The following STK31 variants were observed in gnomAD, a reference collection of about 807,000 sequenced individuals.
STK31 encodes the protein serine/threonine kinase 31, also known as serine/threonine-protein kinase 31.
A neutral mutation model predicts 129.7 loss-of-function variants in STK31; 89 were observed. That is an observed-to-expected ratio of 0.69 (90% CI 0.58 to 0.82). The LOEUF (loss-of-function observed/expected upper bound fraction) is 0.82. Among genes scored for constraint, STK31 ranks in the 40% least tolerant of loss-of-function variants. The pLI, the probability that STK31 is intolerant of heterozygous loss-of-function variation, is 0.00. For missense variants in STK31, 1,187 were observed against 1,176.4 expected (o/e 1.01, Z -0.13); for synonymous variants, 448 against 395.3 (o/e 1.13, Z -1.58).
At chr7:23,813,338 C>G (rs147974608) in intron 22 of STK31, among the ~76,000 whole-genome samples, 8 of 151,806 alleles carry the variant, frequency 5.3e-5, no homozygotes, top group African/African-American at 1.9e-4. Context: ...ATTTTATGAC[C>G]ATTGCTTGAA....
intron 10 of STK31, among the ~76,000 whole-genome samples, chr7:23,761,211 AT>A (rs1007327636): frequency 1.1e-3 from 165 of 150,652 alleles, no homozygotes; most frequent in Non-Finnish European, 9.2e-4. Flanking sequence ...TGAAAGCAGA[AT>A]TTTTTTTTTC....
At chr7:23,752,693 G>C in intron 8 of STK31, 24 bp from the exon 9 acceptor site, 1 of 1,544,794 alleles carries the variant, frequency 6.5e-7, no homozygotes, top group Non-Finnish European at 8.9e-7. Flanking sequence ...GGTCTCACGA[G>C]AATGTGTTTA....
chr7:23,784,996 A>G (rs1791177242), intron 17 of STK31, among the ~76,000 whole-genome samples: 1 of 151,884 alleles, frequency 6.6e-6, no homozygotes, highest in Non-Finnish European at 1.5e-5. Context: ...ACAAATGTTT[A>G]TTTCAGTAGT....
At chr7:23,766,388 G>A (rs1158953649) in intron 11 of STK31, among the ~76,000 whole-genome samples, 14 of 151,990 alleles carry the variant, frequency 9.2e-5, no homozygotes, top group Admixed American at 6.6e-4. Context: ...TCAACCTCCC[G>A]AGTAGCTGGG....
At chr7:23,726,226 C>T (rs1787059739) in intron 4 of STK31, 2 of 151,928 alleles carry the variant, frequency 1.3e-5, no homozygotes, top group South Asian at 4.2e-4. Flanking sequence ...CTTGTCACAA[C>T]TGGAAGTGGT....
intron 23 of STK31, among the ~76,000 whole-genome samples, chr7:23,824,579 A>G (rs958240540): frequency 6.6e-6 from 1 of 152,200 alleles, no homozygotes; most frequent in East Asian, 1.9e-4. Context: ...TCCTAATTGA[A>G]TGCCCTTTCT....
At chr7:23,778,962 T>G (rs1790734914) in intron 15 of STK31, among the ~76,000 whole-genome samples, 1 of 152,190 alleles carries the variant, frequency 6.6e-6, no homozygotes, top group African/African-American at 2.4e-5. Flanking sequence ...TTTTCTCATC[T>G]TCTTGGATTT....
intron 22 of STK31, among the ~76,000 whole-genome samples, chr7:23,810,701 GATATATATAAAATAGAT>G (rs1339904481): frequency 1.4e-5 from 1 of 72,680 alleles, no homozygotes; most frequent in Non-Finnish European, 2.5e-5. Context: ...ATATAAAATA[GATATATATAAAATAGAT>G]ATATATAAAA....
At chr7:23,827,810 A>T (rs1794267382) in intron 23 of STK31, among the ~76,000 whole-genome samples, 1 of 152,000 alleles carries the variant, frequency 6.6e-6, no homozygotes, top group African/African-American at 2.4e-5. Context: ...TTTCCTTCTA[A>T]CAGTCAGGAC....
rs1408942021 is a variant in STK31 at position 23,772,279 on chromosome 7, G to T, written c.1965+1G>T. The T allele has an allele frequency of 1.9e-6, 3 of 1,600,966 alleles. No individual in the cohort carries two copies. In the African/African-American group the frequency reaches 4.1e-5, roughly 22 times the overall value. Reference sequence around the variant, plus strand: ...GGTTGAAAAGAGTAATTTGGAAGAGGTAAGGAAACAGTTGTTTCTTACTGA... The same window carrying T: ...GGTTGAAAAGAGTAATTTGGAAGAGTTAAGGAAACAGTTGTTTCTTACTGA... On this transcript the variant is annotated splice_donor_variant, in intron 15 of 23. Transcript: ENST00000355870. LOFTEE classifies it high-confidence loss of function.
chr7:23,829,079 T>A, intron 23 of STK31, among the ~76,000 whole-genome samples: 1 of 151,966 alleles, frequency 6.6e-6, no homozygotes, highest in East Asian at 1.9e-4. Context: ...TTTTTTTTTT[T>A]TTGTATTTTT....
intron 6 of STK31, among the ~76,000 whole-genome samples, chr7:23,732,154 CA>C (rs1014323490): frequency 0.011 from 1,734 of 151,462 alleles, 31 homozygotes; most frequent in African/African-American, 0.04. Flanking sequence ...ATAAAAAATA[CA>C]AAAAAATTAG....
chr7:23,808,975 G>A (rs1340493068), intron 22 of STK31, among the ~76,000 whole-genome samples: 1 of 151,208 alleles, frequency 6.6e-6, no homozygotes, highest in Non-Finnish European at 1.5e-5. Context: ...GTGTGTGCCT[G>A]TGTCTGTTGG....
rs2128102677 is a variant in STK31, at chr7:23,769,053, A to G, written c.1475A>G (p.Asp492Gly). 1 of 1,613,280 alleles carries G rather than the reference A, an allele frequency of 6.2e-7. No homozygotes were observed. Among genetic ancestry groups the G allele is most frequent in the Non-Finnish European group, 8.5e-7 (1 of 1,179,452 alleles). ...CAAGCCAAAGAAGGAGCAAATTCTG[A>G]TGAAATACTTAAAAAATTTTATGAC... ...YGQAKEGANS[D>G]EILKKFYDWK... The change falls in exon 12 of 24, where the codon GAT becomes GGT. Residue 492 changes from aspartate (D) to glycine (G), a missense_variant. Transcript: ENST00000355870.
At chr7:23,790,294 CAA>C (rs1458298455) in intron 21 of STK31, among the ~76,000 whole-genome samples, 1 of 151,956 alleles carries the variant, frequency 6.6e-6, no homozygotes, top group Non-Finnish European at 1.5e-5. Context: ...TAAAAATGGA[CAA>C]AAAAGAGGTT....
At chr7:23,732,105 T>C (rs1038040785) in intron 6 of STK31, among the ~76,000 whole-genome samples, 3 of 152,060 alleles carry the variant, frequency 2.0e-5, no homozygotes, top group Admixed American at 1.3e-4. Context: ...GTCCAGGAGT[T>C]TGAGACCAGC....
chr7:23,779,777 TG>T (rs1376588018), intron 15 of STK31, among the ~76,000 whole-genome samples: 1 of 152,160 alleles, frequency 6.6e-6, no homozygotes, highest in Admixed American at 6.5e-5. Context: ...CTGGGCCCCA[TG>T]GGGGTGGGAT....
chr7:23,758,382 G>A (rs1936013869), intron 10 of STK31, among the ~76,000 whole-genome samples: 1 of 151,722 alleles, frequency 6.6e-6, no homozygotes, highest in Non-Finnish European at 1.5e-5. Flanking sequence ...CTAGCTAGTG[G>A]TCTGTTTTGT....
chr7:23,822,707 C>G (rs1793859721), intron 23 of STK31, among the ~76,000 whole-genome samples: 1 of 152,086 alleles, frequency 6.6e-6, no homozygotes, highest in Admixed American at 6.5e-5. Flanking sequence ...CACCCATTAA[C>G]TCGTCATTTA....
Sources: gnomAD v4.1 joint callset for allele counts (sites outside exome capture counted in the v4.1 genomes callset) on GRCh38, gnomAD v4.1.1 for gene constraint, MANE v1.5 for transcripts, NCBI Gene and HGNC (gene_info 2026-07-23, HGNC 2026-07-21) for gene names.